LIPC: variants seen among roughly 807,000 people sequenced by gnomAD.
The protein encoded by LIPC is lipase C, hepatic type, also known as hepatic triacylglycerol lipase.
LIPC carries 44 observed loss-of-function variants against 50.7 expected under a neutral mutation model. The ratio of observed to expected loss-of-function variants is 0.87; its 90% CI spans 0.68 to 1.11. The LOEUF (loss-of-function observed/expected upper bound fraction) is 1.11. Among genes scored for constraint, LIPC ranks in the 50% most tolerant of loss-of-function variants. The pLI is 0.00. For missense variants in LIPC, 697 were observed against 648.2 expected, an observed-to-expected ratio of 1.08 and a Z score of -0.82; for synonymous variants, 271 against 256.4, an observed-to-expected ratio of 1.06 and a Z score of -0.54.
intron 6 of LIPC, among the ~76,000 whole-genome samples, chr15:58,556,601 G>A (rs1292007605): frequency 6.6e-6 from 1 of 152,118 alleles, no homozygotes; most frequent in East Asian, 1.9e-4. Context: ...TTGCAGAGTT[G>A]GTCTCATACT....
At chr15:58,500,146 AG>A (rs1891930407) in intron 1 of LIPC, among the ~76,000 whole-genome samples, 1 of 152,160 alleles carries the variant, frequency 6.6e-6, no homozygotes, top group East Asian at 1.9e-4. Context: ...TTTAGGACAC[AG>A]TAAGGAGGGG....
At chr15:58,439,269 T>C (rs1893421727) in intron 1 of LIPC, among the ~76,000 whole-genome samples, 1 of 152,212 alleles carries the variant, frequency 6.6e-6, no homozygotes, top group Non-Finnish European at 1.5e-5. Flanking sequence ...GTATCTGAAC[T>C]TTTGTCTCTT....
intron 4 of LIPC, among the ~76,000 whole-genome samples, chr15:58,544,330 T>C (rs544028680): frequency 6.6e-6 from 1 of 151,948 alleles, no homozygotes; most frequent in African/African-American, 2.4e-5. Context: ...CCTCTTGCCG[T>C]CTTGTCATCA....
chr15:58,567,853 G>A (rs1894443354), intron 8 of LIPC, among the ~76,000 whole-genome samples: 1 of 152,142 alleles, frequency 6.6e-6, no homozygotes. Flanking sequence ...ATGTAGAGAG[G>A]GGAGTGATGT....
intron 3 of LIPC, among the ~76,000 whole-genome samples, 170 bp from the exon 4 acceptor site, chr15:58,542,364 T>A (rs1458118746): frequency 6.6e-6 from 1 of 152,040 alleles, no homozygotes; most frequent in African/African-American, 2.4e-5. Context: ...GGTACCTGAG[T>A]CCCAGGAGAG....
chr15:58,561,396 T>C (rs558143459), intron 7 of LIPC, among the ~76,000 whole-genome samples: 2 of 150,862 alleles, frequency 1.3e-5, no homozygotes, highest in South Asian at 4.3e-4. Flanking sequence ...TTGAATGAGT[T>C]TATCTAAAGA....
intron 1 of LIPC, among the ~76,000 whole-genome samples, chr15:58,495,439 TATGCTCTAGGCATTGGGTGTGAAACC>T (rs1333010135): frequency 2.1e-4 from 32 of 152,224 alleles, no homozygotes; most frequent in Non-Finnish European, 4.3e-4. Context: ...GACTTAACCA[TATGCTCTAGGCATTGGGTGTGAAACC>T]AGCAAGGCTT....
intron 8 of LIPC, among the ~76,000 whole-genome samples, chr15:58,564,884 G>A (rs932944395): frequency 2.6e-5 from 4 of 152,066 alleles, no homozygotes; most frequent in South Asian, 2.1e-4. Context: ...AGGCATCCCC[G>A]GGCCCTCTCC....
chr15:58,437,180 T>C (rs1439418667), intron 1 of LIPC, among the ~76,000 whole-genome samples: 3 of 152,142 alleles, frequency 2.0e-5, no homozygotes, highest in Non-Finnish European at 2.9e-5. Context: ...CCAGGGATCT[T>C]AGCACAGAGG....
chr15:58,433,632 A>G lies in LIPC; in HGVS notation c.88+1512A>G, dbSNP rs571739571. ...TGGATTGGCCAGGACTGTTTTTGCA[A>G]TGGAGCCATGGGAATTGGAAGCTGT... On this transcript the variant is annotated intron_variant, in intron 1 of 8. Transcript: ENST00000299022. 2.0e-5 allele frequency among the ~76,000 whole-genome samples: 3 copies of G among 152,264 alleles called. No homozygotes were observed. The South Asian group carries it at 6.2e-4, about 32-fold the overall frequency.
intron 1 of LIPC, chr15:58,437,053 G>A (rs570572333): frequency 2.5e-4 from 91 of 358,690 alleles, no homozygotes; most frequent in African/African-American, 1.7e-3. Flanking sequence ...GTCCAACTTC[G>A]AACAGGCATG....
At chr15:58,453,212 C>CCA (rs1893976829) in intron 1 of LIPC, among the ~76,000 whole-genome samples, 1 of 152,126 alleles carries the variant, frequency 6.6e-6, no homozygotes, top group Non-Finnish European at 1.5e-5. Flanking sequence ...GGCACAACCC[C>CCA]CACGTTGCCA....
At chr15:58,483,691 T>C (rs1190851151) in intron 1 of LIPC, among the ~76,000 whole-genome samples, 1 of 151,952 alleles carries the variant, frequency 6.6e-6, no homozygotes, top group African/African-American at 2.4e-5. Flanking sequence ...TCCAAGACCA[T>C]GCCCGTTGAG....
intron 1 of LIPC, among the ~76,000 whole-genome samples, chr15:58,502,428 A>T (rs1892013810): frequency 6.6e-6 from 1 of 152,092 alleles, no homozygotes; most frequent in African/African-American, 2.4e-5. Flanking sequence ...CAAAACAAGG[A>T]AAAGGTGGTG....
chr15:58,531,164 T>C (rs1225509826), intron 1 of LIPC, among the ~76,000 whole-genome samples: 1 of 152,226 alleles, frequency 6.6e-6, no homozygotes, highest in Non-Finnish European at 1.5e-5. Context: ...TTTTAGCCAT[T>C]CTAAAGGGAG....
At chr15:58,512,878 C>T (rs1021440076) in intron 1 of LIPC, among the ~76,000 whole-genome samples, 1 of 151,696 alleles carries the variant, frequency 6.6e-6, no homozygotes, top group African/African-American at 2.4e-5. Flanking sequence ...CAACGAGGGT[C>T]GTTCCACACA....
chr15:58,517,279 G>A (rs372711089), intron 1 of LIPC, among the ~76,000 whole-genome samples: 3 of 152,212 alleles, frequency 2.0e-5, no homozygotes, highest in East Asian at 1.9e-4. Context: ...ACAGCACCAG[G>A]GCTCTTGCCT....
chr15:58,482,965 T>TA (rs2140779465), intron 1 of LIPC, among the ~76,000 whole-genome samples: 1 of 152,242 alleles, frequency 6.6e-6, no homozygotes, highest in East Asian at 1.9e-4. Flanking sequence ...TGGCCAGCCT[T>TA]ATAGCGTCAG....
intron 1 of LIPC, among the ~76,000 whole-genome samples, chr15:58,510,046 A>G (rs115299937): frequency 0.016 from 2,378 of 152,298 alleles, 67 homozygotes; most frequent in African/African-American, 0.055. Context: ...TGTTAATAAA[A>G]TGTACATGCG....
Sources: allele counts gnomAD v4.1 joint callset (sites outside exome capture counted in the v4.1 genomes callset), GRCh38; gene constraint gnomAD v4.1.1; transcripts MANE v1.5; gene names NCBI Gene and HGNC (gene_info 2026-07-23, HGNC 2026-07-21).